PLAAT1: variants seen among roughly 807,000 people sequenced by gnomAD.
PLAAT1 encodes phospholipase A and acyltransferase 1.
PLAAT1 carries 13 observed loss-of-function variants against 16.4 expected under a neutral mutation model. The observed-to-expected ratio is 0.79, with a 90% CI of 0.52 to 1.26. PLAAT1 has a LOEUF of 1.26. PLAAT1 is among the 50% of genes most tolerant of loss of function. The pLI is 0.00. For synonymous variants in PLAAT1, 73 were observed against 78.4 expected (o/e 0.93, Z 0.36); for missense variants, 218 against 207.8 (o/e 1.05, Z -0.30).
chr3:193,264,566 C>T (rs916353843), intron 3 of PLAAT1, among the ~76,000 whole-genome samples: 10 of 151,470 alleles, frequency 6.6e-5, no homozygotes, highest in African/African-American at 1.5e-4. Flanking sequence ...TGCAGTGGCA[C>T]GATCTCAGCT....
At chr3:193,254,874 A>G (rs1716317749) in intron 1 of PLAAT1, among the ~76,000 whole-genome samples, 1 of 152,200 alleles carries the variant, frequency 6.6e-6, no homozygotes, top group African/African-American at 2.4e-5. Flanking sequence ...TATACATGCT[A>G]CACTACACAG....
chr3:193,276,272 C>A (rs1717195975), intron 2 of PLAAT1, among the ~76,000 whole-genome samples: 1 of 152,168 alleles, frequency 6.6e-6, no homozygotes, highest in Non-Finnish European at 1.5e-5. Flanking sequence ...TGGGTAAAGT[C>A]ATTTAGTGAC....
At chr3:193,264,495 G>A (rs1577309861) in intron 3 of PLAAT1, among the ~76,000 whole-genome samples, 1 of 135,480 alleles carries the variant, frequency 7.4e-6, no homozygotes, top group East Asian at 2.2e-4. Context: ...GTTGTTGTTT[G>A]TTTCTTCTTC....
chr3:193,277,992 C>A (rs375829741), downstream of PLAAT1, among the ~76,000 whole-genome samples: 1 of 152,028 alleles, frequency 6.6e-6, no homozygotes, highest in Non-Finnish European at 1.5e-5. Context: ...TTAGTAGAGA[C>A]GGGGTTTTAC....
intron 2 of PLAAT1, among the ~76,000 whole-genome samples, chr3:193,261,107 G>A (rs949762758): frequency 6.6e-6 from 1 of 152,146 alleles, no homozygotes; most frequent in Non-Finnish European, 1.5e-5. Flanking sequence ...GCTGGGTCAC[G>A]CCTGTAATCC....
At chr3:193,241,172 G>C, upstream of PLAAT1, 1 of 1,210,546 alleles carries the variant, frequency 8.3e-7, no homozygotes, top group Non-Finnish European at 1.0e-6. Context: ...GCGAGGTCTA[G>C]CCGGAGCGAC....
intron 1 of PLAAT1, among the ~76,000 whole-genome samples, chr3:193,241,963 G>A (rs1043413374): frequency 1.3e-5 from 2 of 152,194 alleles, no homozygotes; most frequent in African/African-American, 4.8e-5. Flanking sequence ...TTGCTCCGCA[G>A]TTACTTGTGC....
chr3:193,250,133 G>A (rs1716137672), intron 1 of PLAAT1, among the ~76,000 whole-genome samples: 1 of 152,160 alleles, frequency 6.6e-6, no homozygotes, highest in South Asian at 2.1e-4. Context: ...TGTAGGAGAT[G>A]TTCCTTTCCA....
intron 2 of PLAAT1, among the ~76,000 whole-genome samples, chr3:193,259,415 T>TA (rs1716504421): frequency 6.6e-6 from 1 of 152,100 alleles, no homozygotes; most frequent in African/African-American, 2.4e-5. Context: ...GGCATCCAAA[T>TA]AGGAAAAGAG....
intron 1 of PLAAT1, 22 bp from the exon 2 acceptor site, chr3:193,255,629 T>G: frequency 6.3e-7 from 1 of 1,582,336 alleles, no homozygotes; most frequent in Non-Finnish European, 8.6e-7. Flanking sequence ...TAGCTAGCTC[T>G]TCTTTGTATT....
downstream of PLAAT1, among the ~76,000 whole-genome samples, chr3:193,280,929 G>A (rs944645106): frequency 6.6e-6 from 1 of 152,072 alleles, no homozygotes; most frequent in African/African-American, 2.4e-5. Flanking sequence ...GAAATCTGAG[G>A]CAACTGCCCC....
rs760330923 is a variant in PLAAT1 at position 193,269,536 on chromosome 3, TGGCAG to T, written c.406-1066_406-1062del. 1.8e-4 allele frequency among the ~76,000 whole-genome samples: 27 copies of T among 152,170 alleles called. 1 individual carries two copies. Among genetic ancestry groups the T allele is most frequent in the Non-Finnish European group, 3.2e-4 (22 of 68,016 alleles). On this transcript the variant is annotated intron_variant, in intron 3 of 3. Transcript: ENST00000264735. The stretch of plus-strand genomic sequence containing the variant: ...GCATTGTGTTGCAGTAATACGTGGG[TGGCAG>T]GTTCCACGGTGGAAGGCTGTGGTTA...
At chr3:193,276,454 G>T (rs764360364) in intron 2 of PLAAT1, among the ~76,000 whole-genome samples, 3 of 152,176 alleles carry the variant, frequency 2.0e-5, no homozygotes, top group Non-Finnish European at 4.4e-5. Context: ...GTCTTTACTA[G>T]ATTGTTGAAA....
At chr3:193,281,326 G>A, downstream of PLAAT1, 1 of 372,586 alleles carries the variant, frequency 2.7e-6, no homozygotes, top group East Asian at 1.6e-4. Context: ...TAAAAACTAG[G>A]TCTCGCCTGT....
At chr3:193,268,968 C>T (rs1716878270) in intron 3 of PLAAT1, among the ~76,000 whole-genome samples, 1 of 152,034 alleles carries the variant, frequency 6.6e-6, no homozygotes, top group African/African-American at 2.4e-5. Flanking sequence ...CTGATTGCAC[C>T]TTCATTTTTT....
chr3:193,264,326 AC>A (rs1268048910), intron 3 of PLAAT1, among the ~76,000 whole-genome samples: 1 of 152,172 alleles, frequency 6.6e-6, no homozygotes, highest in Non-Finnish European at 1.5e-5. Flanking sequence ...TCAAAATCCT[AC>A]TTATCCTGCC....
intron 3 of PLAAT1, among the ~76,000 whole-genome samples, chr3:193,268,537 T>C (rs1385868794): frequency 6.6e-6 from 1 of 152,260 alleles, no homozygotes; most frequent in Non-Finnish European, 1.5e-5. Context: ...GTAAAAGTTC[T>C]TGTTCATGTT....
intron 1 of PLAAT1, among the ~76,000 whole-genome samples, chr3:193,244,154 T>C (rs1435032401): frequency 6.6e-6 from 1 of 152,222 alleles, no homozygotes; most frequent in Non-Finnish European, 1.5e-5. Flanking sequence ...TCTTGGTTGT[T>C]TCCACTTTTG....
chr3:193,240,960 G>C (rs1170191533), upstream of PLAAT1, among the ~76,000 whole-genome samples: 2 of 152,166 alleles, frequency 1.3e-5, no homozygotes, highest in Non-Finnish European at 2.9e-5. Flanking sequence ...ACAGCGCCTG[G>C]TGCCCTAAAC....
Sources: allele counts gnomAD v4.1 joint callset (sites outside exome capture counted in the v4.1 genomes callset), GRCh38; gene constraint gnomAD v4.1.1; transcripts MANE v1.5; gene names NCBI Gene and HGNC (gene_info 2026-07-23, HGNC 2026-07-21).